The following CDC42SE2 variants were observed in gnomAD, a reference collection of about 807,000 sequenced individuals.
The protein encoded by CDC42SE2 is CDC42 small effector 2.
Under a neutral mutation model 11.5 loss-of-function variants are expected in CDC42SE2, and 3 were observed. The observed-to-expected ratio is 0.26, with a 90% confidence interval of 0.12 to 0.67. CDC42SE2 has a LOEUF of 0.67. CDC42SE2 is among the 30% of genes least tolerant of loss of function. CDC42SE2 has a pLI of 0.80. For synonymous variants in CDC42SE2, 33 were observed against 34.8 expected (o/e 0.95, Z 0.18); for missense variants, 82 against 106.8 (o/e 0.77, Z 1.02).
chr5:131,232,457 G>A, the CDC42SE2 span, among the ~76,000 whole-genome samples: 9 of 152,014 alleles, frequency 5.9e-5, no homozygotes, highest in East Asian at 1.7e-3. Context: ...GTTATCCTGG[G>A]CACAGTGGCT....
At chr5:131,237,891 C>CTTATT in the CDC42SE2 span, among the ~76,000 whole-genome samples, 14 of 152,162 alleles carry the variant, frequency 9.2e-5, no homozygotes, top group Non-Finnish European at 1.9e-4. Context: ...TGCACATTGC[C>CTTATT]TTATTTTACT....
intron 2 of CDC42SE2, among the ~76,000 whole-genome samples, chr5:131,337,869 C>A (rs1758613164): frequency 6.6e-6 from 1 of 152,234 alleles, no homozygotes; most frequent in African/African-American, 2.4e-5. Context: ...CTGTCTGTCA[C>A]CCTTTTCTTT....
At chr5:131,342,810 T>G (rs901350540) in intron 2 of CDC42SE2, among the ~76,000 whole-genome samples, 1 of 152,154 alleles carries the variant, frequency 6.6e-6, no homozygotes, top group East Asian at 1.9e-4. Flanking sequence ...CCTACTGGGT[T>G]CAAGTGATTC....
chr5:131,246,915 T>C (rs531018600), intron 1 of CDC42SE2, among the ~76,000 whole-genome samples: 1 of 152,132 alleles, frequency 6.6e-6, no homozygotes, highest in East Asian at 1.9e-4. Flanking sequence ...GGCTAATTTT[T>C]GTATTTTTAG....
At chr5:131,317,270 C>T (rs373468041) in intron 2 of CDC42SE2, among the ~76,000 whole-genome samples, 9 of 152,026 alleles carry the variant, frequency 5.9e-5, no homozygotes, top group South Asian at 4.1e-4. Flanking sequence ...CCAACTTTAC[C>T]GTCAGAACCA....
At chr5:131,294,275 A>G (rs962161490) in intron 1 of CDC42SE2, among the ~76,000 whole-genome samples, 3 of 152,202 alleles carry the variant, frequency 2.0e-5, no homozygotes, top group African/African-American at 7.2e-5. Flanking sequence ...CAAAAATATA[A>G]TAATTTTATT....
intron 2 of CDC42SE2, among the ~76,000 whole-genome samples, chr5:131,326,198 G>T (rs1373421393): frequency 6.6e-6 from 1 of 151,206 alleles, no homozygotes. Flanking sequence ...TCTGCCTCCC[G>T]GGTTCACACC....
upstream of CDC42SE2, among the ~76,000 whole-genome samples, chr5:131,262,115 G>A (rs1756732917): frequency 6.6e-6 from 1 of 151,384 alleles, no homozygotes; most frequent in Non-Finnish European, 1.5e-5. Context: ...TACTACATTT[G>A]TAATTCAAAG....
rs549678639 is a variant in CDC42SE2 at position 131,313,653 on chromosome 5, C to T, written c.-454-2323C>T. On this transcript the variant is annotated intron_variant, in intron 1 of 4. Transcript: ENST00000505065. Reference sequence around the variant, plus strand: ...ATGTGTGTAGTTGTATTTCTGGACTCTCAGTTTTGTTTTATTGACCTGTTA... The same window carrying T: ...ATGTGTGTAGTTGTATTTCTGGACTTTCAGTTTTGTTTTATTGACCTGTTA... 1.8e-4 allele frequency among the ~76,000 whole-genome samples: 27 copies of T among 152,222 alleles called. No homozygotes were observed. The South Asian group carries it at 5.6e-3, about 32-fold the overall frequency.
intron 2 of CDC42SE2, among the ~76,000 whole-genome samples, chr5:131,354,927 C>T (rs1326800237): frequency 6.6e-6 from 1 of 152,122 alleles, no homozygotes; most frequent in African/African-American, 2.4e-5. Flanking sequence ...ACACAATCCT[C>T]ATGCTTCAGC....
chr5:131,220,612 A>G, the CDC42SE2 span, among the ~76,000 whole-genome samples: 2 of 152,226 alleles, frequency 1.3e-5, no homozygotes, highest in Non-Finnish European at 2.9e-5. Flanking sequence ...TTATAGATGT[A>G]GAAAACAAGC....
intron 1 of CDC42SE2, among the ~76,000 whole-genome samples, chr5:131,247,766 T>C (rs1046616678): frequency 2.0e-5 from 3 of 152,136 alleles, no homozygotes; most frequent in Non-Finnish European, 4.4e-5. Context: ...CTCAGCCTCA[T>C]AAGTAGCTGG....
intron 1 of CDC42SE2, among the ~76,000 whole-genome samples, chr5:131,288,068 A>G (rs573531569): frequency 6.6e-6 from 1 of 151,738 alleles, no homozygotes; most frequent in African/African-American, 2.4e-5. Context: ...AAATAGTGAG[A>G]CTCTATCTCT....
At position 131,264,146 on chromosome 5, in the gene CDC42SE2, G is replaced by A. The variant is rs1756801117; in HGVS notation, c.-475G>A. On this transcript the variant is annotated 5_prime_UTR_variant, in exon 1 of 5. Transcript: ENST00000505065. Reference sequence around the variant, plus strand: ...CTGAGAGGGGCTGCGGCCGGAGCGGGCGGCTGAGACAAAGGCGACGGTGAG... The same window carrying A: ...CTGAGAGGGGCTGCGGCCGGAGCGGACGGCTGAGACAAAGGCGACGGTGAG... 2 of 152,340 alleles carry A rather than the reference G, an allele frequency of 1.3e-5. No homozygotes were observed. The highest frequency in any genetic ancestry group is 6.5e-5 in the Admixed American group (1 of 15,288). The allele number at this position is 152,340 out of a possible 1,614,324, so 9.4% of individuals were successfully genotyped here.
chr5:131,388,498 T>G (rs1332347940), intron 4 of CDC42SE2, among the ~76,000 whole-genome samples: 1 of 152,226 alleles, frequency 6.6e-6, no homozygotes, highest in Non-Finnish European at 1.5e-5. Flanking sequence ...TAAACTATAT[T>G]ATTGAATGGT....
intron 2 of CDC42SE2, among the ~76,000 whole-genome samples, chr5:131,357,532 C>T (rs1384826425): frequency 1.3e-5 from 2 of 152,176 alleles, no homozygotes; most frequent in Non-Finnish European, 2.9e-5. Context: ...CTCTGTGATC[C>T]TGTAATGTGG....
upstream of CDC42SE2, among the ~76,000 whole-genome samples, chr5:131,260,210 G>A (rs534270813): frequency 6.6e-6 from 1 of 152,242 alleles, no homozygotes; most frequent in East Asian, 1.9e-4. Flanking sequence ...TTTGTTTAGA[G>A]TCACCTAACT....
chr5:131,365,878 A>G (rs1026754860), intron 3 of CDC42SE2, among the ~76,000 whole-genome samples: 6 of 152,140 alleles, frequency 3.9e-5, no homozygotes, highest in African/African-American at 4.8e-5. Flanking sequence ...GCTACTCGGG[A>G]GGCTGAGGCA....
rs1355172026 is a variant in CDC42SE2 at position 131,343,626 on chromosome 5, T to C, written c.-285-15583T>C. 2.6e-5 allele frequency among the ~76,000 whole-genome samples: 4 copies of C among 151,874 alleles called. No homozygotes were observed. The East Asian group carries it at 7.7e-4, about 29-fold the overall frequency. ...ACTCAGGAAGGCTGAGGCAGGAGAA[T>C]TGCTGGAACCCAGGAGGCGGAGGTT... On this transcript the variant is annotated intron_variant, in intron 2 of 4. Transcript: ENST00000505065.
Sources: gnomAD v4.1 joint callset for allele counts (sites outside exome capture counted in the v4.1 genomes callset) on GRCh38, gnomAD v4.1.1 for gene constraint, MANE v1.5 for transcripts, NCBI Gene and HGNC (gene_info 2026-07-23, HGNC 2026-07-21) for gene names.